TNNI3K: variants seen among roughly 807,000 people sequenced by gnomAD.
The protein encoded by TNNI3K is TNNI3 interacting kinase, also known as serine/threonine-protein kinase TNNI3K.
Under a neutral mutation model 114.5 loss-of-function variants are expected in TNNI3K, and 140 were observed. The observed-to-expected ratio is 1.22, with a 90% CI of 1.07 to 1.41. TNNI3K has a LOEUF of 1.41. Ranked by LOEUF, TNNI3K falls within the 40% of genes most tolerant of loss-of-function variation. TNNI3K has a pLI of 0.00. For synonymous variants in TNNI3K, 347 were observed against 347.5 expected (o/e 1.00, Z 0.02); for missense variants, 1,125 against 1,007.6 (o/e 1.12, Z -1.58).
chr1:74,278,778 C>T (rs1196756656), intron 5 of TNNI3K, among the ~76,000 whole-genome samples: 2 of 152,124 alleles, frequency 1.3e-5, no homozygotes, highest in African/African-American at 4.8e-5. Flanking sequence ...GCCCTCACTG[C>T]CAAGACAACC....
chr1:74,308,122 A>G (rs966465934), intron 5 of TNNI3K, among the ~76,000 whole-genome samples: 1 of 152,046 alleles, frequency 6.6e-6, no homozygotes, highest in Non-Finnish European at 1.5e-5. Context: ...CAGAAAACCA[A>G]CAAAGAAATT....
At chr1:74,492,426 T>C (rs1435455165) in intron 23 of TNNI3K, among the ~76,000 whole-genome samples, 160 bp downstream of exon 23, 1 of 152,174 alleles carries the variant, frequency 6.6e-6, no homozygotes. Context: ...GACTAAAAAT[T>C]AGAAATTTTA....
chr1:74,438,101 A>G (rs879575261), intron 19 of TNNI3K, among the ~76,000 whole-genome samples: 3 of 151,796 alleles, frequency 2.0e-5, no homozygotes, highest in Admixed American at 6.6e-5. Context: ...CTAGAATAAG[A>G]GAGTTAATTT....
At chr1:74,422,728 G>C (rs1405381451) in intron 17 of TNNI3K, among the ~76,000 whole-genome samples, 4 of 151,822 alleles carry the variant, frequency 2.6e-5, no homozygotes, top group African/African-American at 7.3e-5. Context: ...CATTACCATG[G>C]AGTTAAATAG....
intron 17 of TNNI3K, among the ~76,000 whole-genome samples, chr1:74,423,021 T>C (rs748848579): frequency 7.2e-5 from 11 of 152,140 alleles, no homozygotes; most frequent in Non-Finnish European, 1.5e-4. Flanking sequence ...GAAATATGCA[T>C]AGGGTTGAAC....
chr1:74,420,865 C>T (rs1275270119), intron 17 of TNNI3K, among the ~76,000 whole-genome samples: 2 of 151,962 alleles, frequency 1.3e-5, no homozygotes, highest in Non-Finnish European at 2.9e-5. Context: ...TGCTTCTTAT[C>T]TATATTGTCA....
intron 23 of TNNI3K, among the ~76,000 whole-genome samples, chr1:74,530,729 T>G (rs554136151): frequency 1.8e-4 from 27 of 152,082 alleles, no homozygotes; most frequent in African/African-American, 6.0e-4. Context: ...AAAAGTTTTT[T>G]TTTTTTTTTT....
chr1:74,381,740 T>A (rs1663213663), intron 17 of TNNI3K, among the ~76,000 whole-genome samples: 2 of 152,168 alleles, frequency 1.3e-5, no homozygotes, highest in Admixed American at 6.5e-5. Flanking sequence ...GGAATAGAAT[T>A]TGATTAAAAA....
rs1295829873 is a variant in TNNI3K, at chr1:74,369,058, C to T, written c.1358C>T (p.Pro453Leu). ...ADILLLRAGLPSHFHLQLSEI... is the reference protein window; with the variant it reads ...ADILLLRAGLLSHFHLQLSEI... ...ATTCTCCTCCTAAGAGCTGGATTGC[C>T]TTCACATTTCCATCTTCAGCTCTCA... is the stretch of plus-strand genomic sequence containing the variant. Residue 453 changes from proline (P) to leucine (L), a missense_variant, in exon 14 of 25, where the codon CCT becomes CTT. Physicochemically the swap from Pro to Leu is moderately conservative, Grantham distance 98. Transcript: ENST00000326637. The T allele has an allele frequency of 6.2e-7, 1 of 1,609,738 alleles. No homozygotes were observed. The highest frequency in any genetic ancestry group is 1.3e-5 in the African/African-American group (1 of 74,652).
At chr1:74,384,233 T>G (rs753667461) in intron 17 of TNNI3K, among the ~76,000 whole-genome samples, 3 of 152,174 alleles carry the variant, frequency 2.0e-5, no homozygotes, top group Non-Finnish European at 4.4e-5. Context: ...TTTTGCTCAA[T>G]TAACACGCTA....
chr1:74,348,859 T>G (rs538501191), intron 9 of TNNI3K, among the ~76,000 whole-genome samples: 32 of 152,326 alleles, frequency 2.1e-4, no homozygotes, highest in Middle Eastern at 6.8e-3. Flanking sequence ...ATCCTGAGAC[T>G]TTGCTGAAGT....
intron 5 of TNNI3K, among the ~76,000 whole-genome samples, chr1:74,280,448 A>G (rs902037063): frequency 1.3e-5 from 2 of 152,106 alleles, no homozygotes; most frequent in African/African-American, 2.4e-5. Flanking sequence ...ACAGTCCTGC[A>G]TTACCTAAAC....
At chr1:74,304,931 C>A (rs1264095072) in intron 5 of TNNI3K, among the ~76,000 whole-genome samples, 1 of 152,088 alleles carries the variant, frequency 6.6e-6, no homozygotes, top group Non-Finnish European at 1.5e-5. Context: ...CCTGAAATAT[C>A]TTTTAGGTAT....
intron 2 of TNNI3K, among the ~76,000 whole-genome samples, chr1:74,238,885 C>G (rs970488429): frequency 6.6e-6 from 1 of 152,018 alleles, no homozygotes; most frequent in African/African-American, 2.4e-5. Context: ...GTAGTACTTG[C>G]TAAAATTTTC....
At chr1:74,509,521 A>T (rs1336474039) in intron 23 of TNNI3K, among the ~76,000 whole-genome samples, 3 of 152,190 alleles carry the variant, frequency 2.0e-5, no homozygotes, top group Non-Finnish European at 4.4e-5. Context: ...TTTATTGTTT[A>T]GGGCAAGATA....
chr1:74,442,223 A>G (rs1238063644), intron 20 of TNNI3K, among the ~76,000 whole-genome samples: 1 of 151,978 alleles, frequency 6.6e-6, no homozygotes, highest in Non-Finnish European at 1.5e-5. Flanking sequence ...TTTCAAAACT[A>G]CTATCCTTTC....
chr1:74,439,341 T>A, intron 19 of TNNI3K, 149 bp from the exon 20 acceptor site: 1 of 1,269,264 alleles, frequency 7.9e-7, no homozygotes, highest in South Asian at 1.8e-5. Context: ...TTGCACACAC[T>A]GAGGGCAATA....
At chr1:74,377,241 T>A (rs1221148775) in intron 17 of TNNI3K, 7 of 152,000 alleles carry the variant, frequency 4.6e-5, no homozygotes, top group Non-Finnish European at 7.4e-5. Flanking sequence ...GTTTTCAAAG[T>A]AATCACCCTA....
chr1:74,418,093 G>A, intron 17 of TNNI3K: 1 of 407,908 alleles, frequency 2.5e-6, no homozygotes, highest in South Asian at 1.8e-5. Flanking sequence ...GGAAATACAA[G>A]TAAACATGTT....
Sources: gnomAD v4.1 joint callset for allele counts (sites outside exome capture counted in the v4.1 genomes callset) on GRCh38, gnomAD v4.1.1 for gene constraint, MANE v1.5 for transcripts, NCBI Gene and HGNC (gene_info 2026-07-23, HGNC 2026-07-21) for gene names.